TENM3: variants seen among roughly 807,000 people sequenced by gnomAD.
The protein encoded by TENM3 is teneurin-3.
Under a neutral mutation model 255.1 loss-of-function variants are expected in TENM3, and 63 were observed. The ratio of observed to expected loss-of-function variants is 0.25; its 90% CI spans 0.20 to 0.30. TENM3 has a LOEUF of 0.30. Among genes scored for constraint, TENM3 ranks in the 10% least tolerant of loss-of-function variants. The pLI is 1.00. For missense variants in TENM3, 2,929 were observed against 3,461.1 expected, an observed-to-expected ratio of 0.85 and a Z score of 3.86; for synonymous variants, 1,306 against 1,322.3, an observed-to-expected ratio of 0.99 and a Z score of 0.27.
At chr4:181,876,165 T>C in the TENM3 span, among the ~76,000 whole-genome samples, 1 of 152,220 alleles carries the variant, frequency 6.6e-6, no homozygotes, top group African/African-American at 2.4e-5. Flanking sequence ...TGAATGGCTA[T>C]CCAGTTATTT....
At chr4:181,685,013 A>C in the TENM3 span, among the ~76,000 whole-genome samples, 1 of 128,672 alleles carries the variant, frequency 7.8e-6, no homozygotes, top group African/African-American at 3.0e-5. Context: ...TGATCCTCCC[A>C]CCACCCTCCC....
the TENM3 span, among the ~76,000 whole-genome samples, chr4:181,935,913 G>T: frequency 6.6e-6 from 1 of 152,138 alleles, no homozygotes; most frequent in African/African-American, 2.4e-5. Flanking sequence ...GAATGCATTT[G>T]TTTTATATCA....
chr4:181,627,700 G>GT, the TENM3 span, among the ~76,000 whole-genome samples: 1 of 152,298 alleles, frequency 6.6e-6, no homozygotes, highest in South Asian at 2.1e-4. Flanking sequence ...ATTCCATGAT[G>GT]TATATGAGCC....
rs144002784 is a variant in TENM3, at chr4:182,346,110, A to T, written c.233-541A>T. Among the ~76,000 whole-genome samples the T allele has an allele frequency of 6.9e-5, 9 of 131,168 alleles. No homozygotes were observed. In the East Asian group the frequency reaches 1.9e-3, roughly 28 times the overall value. 86.1% of individuals were successfully genotyped at this position (131,168 alleles called of 152,430 possible). A position where few individuals can be genotyped will look rare whatever the true frequency, so the allele number is the denominator to read the frequency against. Reference sequence around the variant, plus strand: ...ATACATACATACATACATACATACAAAATACTACGTGTTATGTTGATTGCT... The same window carrying T: ...ATACATACATACATACATACATACATAATACTACGTGTTATGTTGATTGCT... On this transcript the variant is annotated intron_variant, in intron 2 of 27. Coordinates refer to ENST00000511685, the MANE Select transcript of TENM3 (RefSeq NM_001080477.4).
At chr4:182,667,999 T>C (rs1754864154) in intron 6 of TENM3, among the ~76,000 whole-genome samples, 1 of 151,890 alleles carries the variant, frequency 6.6e-6, no homozygotes, top group Non-Finnish European at 1.5e-5. Flanking sequence ...AAGAAAAGCA[T>C]TCTTTGACAG....
chr4:181,789,616 G>T, the TENM3 span, among the ~76,000 whole-genome samples: 1 of 152,074 alleles, frequency 6.6e-6, no homozygotes, highest in African/African-American at 2.4e-5. Context: ...GCTAGACTCA[G>T]ATGGAGCTGG....
At chr4:181,785,196 A>C in the TENM3 span, among the ~76,000 whole-genome samples, 5 of 152,178 alleles carry the variant, frequency 3.3e-5, no homozygotes, top group African/African-American at 1.2e-4. Flanking sequence ...ACCAGGCAGG[A>C]GAACAAGAAT....
chr4:181,492,610 G>A, the TENM3 span, among the ~76,000 whole-genome samples: 1 of 152,072 alleles, frequency 6.6e-6, no homozygotes, highest in Non-Finnish European at 1.5e-5. Flanking sequence ...GATTTCCATC[G>A]TGAATATTTT....
intron 3 of TENM3, among the ~76,000 whole-genome samples, chr4:182,433,838 T>G (rs1344634887): frequency 6.6e-6 from 1 of 152,138 alleles, no homozygotes; most frequent in Non-Finnish European, 1.5e-5. Context: ...GATGGCTGGG[T>G]GGCGTGATGG....
intron 3 of TENM3, among the ~76,000 whole-genome samples, chr4:182,407,949 C>G (rs1252440912): frequency 1.3e-5 from 2 of 152,164 alleles, no homozygotes; most frequent in African/African-American, 2.4e-5. Flanking sequence ...ATTATATATG[C>G]ACTTACCTTG....
At chr4:181,735,974 GTCTA>G in the TENM3 span, among the ~76,000 whole-genome samples, 1 of 152,136 alleles carries the variant, frequency 6.6e-6, no homozygotes, top group African/African-American at 2.4e-5. Flanking sequence ...CTAATTTAAT[GTCTA>G]TCTTTTTTTC....
upstream of TENM3, among the ~76,000 whole-genome samples, chr4:182,238,612 G>A (rs1011271508): frequency 5.3e-5 from 8 of 152,112 alleles, no homozygotes; most frequent in Admixed American, 3.9e-4. Context: ...GGGCAGTGAC[G>A]GGCAGACAGC....
intron 3 of TENM3, among the ~76,000 whole-genome samples, chr4:182,531,613 G>A (rs901600667): frequency 7.2e-5 from 11 of 152,250 alleles, no homozygotes; most frequent in African/African-American, 2.6e-4. Flanking sequence ...GACATGTGGG[G>A]TGAAGTCTGC....
the TENM3 span, among the ~76,000 whole-genome samples, chr4:181,885,888 G>T: frequency 1.3e-5 from 2 of 152,028 alleles, no homozygotes; most frequent in African/African-American, 2.4e-5. Context: ...AATATTAAAA[G>T]CTAGTTAATC....
chr4:182,398,420 T>A (rs1252983305), intron 3 of TENM3, among the ~76,000 whole-genome samples: 1 of 151,822 alleles, frequency 6.6e-6, no homozygotes, highest in Non-Finnish European at 1.5e-5. Flanking sequence ...TATTCCTTTA[T>A]TTCAGAGGTG....
At chr4:182,609,915 C>G (rs1165872436) in intron 4 of TENM3, among the ~76,000 whole-genome samples, 1 of 152,084 alleles carries the variant, frequency 6.6e-6, no homozygotes, top group African/African-American at 2.4e-5. Context: ...AAAAATAATT[C>G]ATTTAATAAC....
chr4:182,418,183 A>T (rs1233934732), intron 3 of TENM3, among the ~76,000 whole-genome samples: 1 of 152,214 alleles, frequency 6.6e-6, no homozygotes, highest in Non-Finnish European at 1.5e-5. Flanking sequence ...AAACATTTCA[A>T]TTCGAATATA....
At chr4:181,627,757 C>T in the TENM3 span, among the ~76,000 whole-genome samples, 2 of 152,126 alleles carry the variant, frequency 1.3e-5, no homozygotes, top group South Asian at 4.1e-4. Context: ...TGGGTTGGTT[C>T]CAAGTCTTTG....
At chr4:181,750,619 C>T in the TENM3 span, among the ~76,000 whole-genome samples, 3 of 152,078 alleles carry the variant, frequency 2.0e-5, no homozygotes, top group Non-Finnish European at 4.4e-5. Context: ...ATTAATTAGC[C>T]CAAAATGTTT....
Sources: gnomAD v4.1 joint callset for allele counts (sites outside exome capture counted in the v4.1 genomes callset) on GRCh38, gnomAD v4.1.1 for gene constraint, MANE v1.5 for transcripts, NCBI Gene and HGNC (gene_info 2026-07-23, HGNC 2026-07-21) for gene names.